Variants in TASP1 observed in about 807,000 individuals in gnomAD.
The protein encoded by TASP1 is threonine aspartase 1.
TASP1 carries 16 observed loss-of-function variants against 56.6 expected under a neutral mutation model. That is an observed-to-expected ratio of 0.28 (90% CI 0.19 to 0.43). The LOEUF is 0.43. Among genes scored for constraint, TASP1 ranks in the 20% least tolerant of loss-of-function variants. The pLI, the probability that TASP1 is intolerant of heterozygous loss-of-function variation, is 1.00. For missense variants in TASP1, 393 were observed against 511.6 expected, an observed-to-expected ratio of 0.77 and a Z score of 2.24; for synonymous variants, 179 against 184.2, an observed-to-expected ratio of 0.97 and a Z score of 0.23.
At chr20:13,283,031 T>C in the TASP1 span, among the ~76,000 whole-genome samples, 16 of 152,178 alleles carry the variant, frequency 1.1e-4, no homozygotes, top group Admixed American at 6.5e-4. Flanking sequence ...CTTTTCTTTC[T>C]GTTTTTTTAT....
At chr20:13,323,989 C>T in the TASP1 span, among the ~76,000 whole-genome samples, 1 of 152,182 alleles carries the variant, frequency 6.6e-6, no homozygotes, top group African/African-American at 2.4e-5. Context: ...GTGTGTGCTT[C>T]TCTAAGAAAT....
the TASP1 span, among the ~76,000 whole-genome samples, chr20:13,223,173 A>T: frequency 4.8e-5 from 7 of 145,384 alleles, no homozygotes; most frequent in African/African-American, 1.8e-4. Flanking sequence ...AAAATAAAAT[A>T]AAATAAAATA....
the TASP1 span, among the ~76,000 whole-genome samples, chr20:13,158,747 GT>G: frequency 1.3e-5 from 2 of 152,178 alleles, no homozygotes; most frequent in Non-Finnish European, 2.9e-5. Context: ...GAGGCTGTGT[GT>G]CTTGTGGGTC....
chr20:13,237,530 T>A, the TASP1 span, among the ~76,000 whole-genome samples: 1 of 152,122 alleles, frequency 6.6e-6, no homozygotes, highest in Non-Finnish European at 1.5e-5. Flanking sequence ...ACCTGTGCTG[T>A]TGGAAGAGAG....
At chr20:13,278,619 G>A in the TASP1 span, among the ~76,000 whole-genome samples, 5 of 152,192 alleles carry the variant, frequency 3.3e-5, no homozygotes, top group Admixed American at 3.3e-4. Flanking sequence ...AGTTGTTGAT[G>A]TCTCTGTGCA....
chr20:13,392,819 A>T, intron 13 of TASP1: 2 of 642,648 alleles, frequency 3.1e-6, no homozygotes, highest in Non-Finnish European at 5.8e-6. Context: ...ATGTTCCCAT[A>T]TGATTCCACC....
chr20:13,145,047 T>C, the TASP1 span, among the ~76,000 whole-genome samples: 1 of 152,124 alleles, frequency 6.6e-6, no homozygotes, highest in African/African-American at 2.4e-5. Context: ...AGTGCTGGGA[T>C]TACAGGTGTG....
intron 8 of TASP1, among the ~76,000 whole-genome samples, chr20:13,540,676 T>C (rs1002289886): frequency 6.6e-6 from 1 of 152,130 alleles, no homozygotes; most frequent in Non-Finnish European, 1.5e-5. Flanking sequence ...AGTAAAACTA[T>C]GGTGAAAAAG....
chr20:13,590,357 T>C (rs1279737552), intron 4 of TASP1, among the ~76,000 whole-genome samples: 2 of 151,954 alleles, frequency 1.3e-5, no homozygotes, highest in South Asian at 2.1e-4. Context: ...ACAACACATG[T>C]TGGGAAGGAT....
intron 4 of TASP1, among the ~76,000 whole-genome samples, chr20:13,592,115 T>G (rs1350599390): frequency 2.0e-5 from 3 of 152,188 alleles, no homozygotes; most frequent in Middle Eastern, 3.4e-3. Context: ...TACATTAAAT[T>G]TAGCTGGGCA....
intron 8 of TASP1, among the ~76,000 whole-genome samples, chr20:13,543,582 C>G (rs1568564300): frequency 6.6e-6 from 1 of 152,074 alleles, no homozygotes; most frequent in Non-Finnish European, 1.5e-5. Context: ...GCCTGGGTGA[C>G]CCAGCGAGAC....
chr20:13,373,451 T>C, the TASP1 span, among the ~76,000 whole-genome samples: 1 of 86,188 alleles, frequency 1.2e-5, no homozygotes, highest in Non-Finnish European at 2.5e-5. Context: ...CAGCAAATTC[T>C]TTCAGTTTTT....
the TASP1 span, among the ~76,000 whole-genome samples, chr20:13,295,128 C>A: frequency 6.6e-6 from 1 of 152,196 alleles, no homozygotes; most frequent in Non-Finnish European, 1.5e-5. Context: ...GAGCTGGAGT[C>A]ACTGCTGATG....
chr20:13,451,056 C>A (rs929031544), intron 11 of TASP1, among the ~76,000 whole-genome samples: 1 of 152,062 alleles, frequency 6.6e-6, no homozygotes, highest in Non-Finnish European at 1.5e-5. Flanking sequence ...CTTGGACGAC[C>A]AGGTGCATTG....
the TASP1 span, among the ~76,000 whole-genome samples, chr20:13,367,182 A>G: frequency 6.6e-6 from 1 of 152,226 alleles, no homozygotes; most frequent in Non-Finnish European, 1.5e-5. Flanking sequence ...TGGTAGAGTA[A>G]TAGATTTTAC....
the TASP1 span, among the ~76,000 whole-genome samples, chr20:13,222,434 T>A: frequency 6.6e-6 from 1 of 152,066 alleles, no homozygotes; most frequent in Non-Finnish European, 1.5e-5. Context: ...CATCCCCTCC[T>A]CACCCTCAGG....
intron 11 of TASP1, among the ~76,000 whole-genome samples, chr20:13,468,332 G>A (rs1468056174): frequency 6.6e-6 from 1 of 151,660 alleles, no homozygotes; most frequent in East Asian, 1.9e-4. Context: ...TGCCACATAA[G>A]CTGCTCCCTG....
chr20:13,561,233 G>A (rs550470551), intron 7 of TASP1, among the ~76,000 whole-genome samples: 1 of 152,292 alleles, frequency 6.6e-6, no homozygotes, highest in South Asian at 2.1e-4. Flanking sequence ...TAAAATGAAA[G>A]AACCTTAGAC....
chr20:13,602,545 G>A lies in TASP1; in HGVS notation c.283-15175C>T, dbSNP rs533555711. ...CATATGAGAATTCTCTAAACCAGTG[G>A]TCCCCAACCTTTTTGGCACCACTGG... On this transcript the variant is annotated intron_variant, in intron 4 of 13. Coordinates refer to ENST00000337743, the MANE Select transcript of TASP1 (RefSeq NM_017714.3). Among the ~76,000 whole-genome samples the A allele has an allele frequency of 4.6e-5, 7 of 152,260 alleles. No homozygotes were observed. The South Asian group carries it at 1.2e-3, about 27-fold the overall frequency.
Sources: allele counts gnomAD v4.1 joint callset (sites outside exome capture counted in the v4.1 genomes callset), GRCh38; gene constraint gnomAD v4.1.1; transcripts MANE v1.5; gene names NCBI Gene and HGNC (gene_info 2026-07-23, HGNC 2026-07-21).